The following CEACAM1 variants were observed in gnomAD, a reference collection of about 807,000 sequenced individuals.
CEACAM1 encodes cell adhesion molecule CEACAM1.
CEACAM1 carries 31 observed loss-of-function variants against 49.1 expected under a neutral mutation model. The ratio of observed to expected loss-of-function variants is 0.63; its 90% CI spans 0.47 to 0.85. The LOEUF (loss-of-function observed/expected upper bound fraction) is 0.85. Among genes scored for constraint, CEACAM1 ranks in the 40% least tolerant of loss-of-function variants. CEACAM1 has a pLI of 0.00. For synonymous variants in CEACAM1, 244 were observed against 247.8 expected (o/e 0.98, Z 0.14); for missense variants, 570 against 645.3 (o/e 0.88, Z 1.26).
chr19:42,528,292 C>T lies in CEACAM1; in HGVS notation c.64+19G>A. ...TGTGCGCCCTCTTTCCGCCCCTTCC[C>T]AGGGTGTCCTCCCCTCACCTGTGAG... is the stretch of plus-strand genomic sequence containing the variant. On this transcript the variant is annotated intron_variant, in intron 1 of 8. Transcript: ENST00000161559. 1 of 1,611,010 alleles carries T rather than the reference C, an allele frequency of 6.2e-7. No individual in the cohort carries two copies. Among genetic ancestry groups the T allele is most frequent in the Non-Finnish European group, 8.5e-7 (1 of 1,177,820 alleles).
chr19:42,513,325 G>A (rs763170845), intron 5 of CEACAM1, among the ~76,000 whole-genome samples: 16 of 152,150 alleles, frequency 1.1e-4, no homozygotes, highest in Middle Eastern at 3.2e-3. Flanking sequence ...CAGGCCGGGC[G>A]CGGTGGCTGA....
rs111284121 is a variant in CEACAM1 at position 42,507,629 on chromosome 19, C to G, written c.*1480G>C. ...GTACATTTGCCTGTCTTCCTCCTGTCCTTCCTTTTTATTATAAGATACATT... is the reference window on the plus strand; with the variant it reads ...GTACATTTGCCTGTCTTCCTCCTGTGCTTCCTTTTTATTATAAGATACATT... On this transcript the variant is annotated 3_prime_UTR_variant, in exon 9 of 9. Transcript: ENST00000161559. 2.0e-5 allele frequency: 3 copies of G among 152,320 alleles called. No individual in the cohort carries two copies. The highest frequency in any genetic ancestry group is 7.2e-5 in the African/African-American group (3 of 41,576). 9.4% of individuals were successfully genotyped at this position (152,320 alleles called of 1,614,324 possible).
At chr19:42,526,292 T>C (rs2041888651) in intron 2 of CEACAM1, among the ~76,000 whole-genome samples, 1 of 152,168 alleles carries the variant, frequency 6.6e-6, no homozygotes, top group South Asian at 2.1e-4. Context: ...TGAGAGTGCC[T>C]CTCAGCCTGA....
At position 42,518,952 on chromosome 19, in the gene CEACAM1, T is replaced by C; in HGVS notation, c.1242A>G (p.Val414=). 1 of 1,614,188 alleles carries C rather than the reference T, an allele frequency of 6.2e-7. No individual in the cohort carries two copies. Among genetic ancestry groups the C allele is most frequent in the Non-Finnish European group, 8.5e-7 (1 of 1,180,028 alleles). The change falls in exon 5 of 9, where the codon GTA becomes GTG. Residue 414 remains valine, a synonymous_variant. Coordinates refer to ENST00000161559, the MANE Select transcript of CEACAM1 (RefSeq NM_001712.5). ...AAGGGGTGAGGAGTCACTTACAGTT[T>C]ACGTTCAGCATGATGGGGTCGCTTT... The part of the protein sequence containing the change: ...KNQSDPIMLN[V]NYNALPQENG...
intron 1 of CEACAM1, chr19:42,527,956 T>G (rs1600249671): frequency 3.9e-6 from 1 of 255,310 alleles, no homozygotes; most frequent in South Asian, 6.9e-5. Context: ...TGTCCTGGGG[T>G]TTATTTGCCA....
intron 5 of CEACAM1, among the ~76,000 whole-genome samples, chr19:42,514,062 C>T (rs1344891944): frequency 2.8e-5 from 4 of 141,286 alleles, no homozygotes; most frequent in Non-Finnish European, 6.0e-5. Flanking sequence ...ATCAAGTGAT[C>T]CTCCCACCTC....
chr19:42,517,972 C>T (rs745692060), intron 5 of CEACAM1, among the ~76,000 whole-genome samples: 11 of 151,768 alleles, frequency 7.2e-5, no homozygotes, highest in Non-Finnish European at 1.6e-4. Flanking sequence ...TGTGATGTAT[C>T]TATCTACACA....
At chr19:42,522,565 T>C (rs529250694) in intron 2 of CEACAM1, among the ~76,000 whole-genome samples, 169 of 151,598 alleles carry the variant, frequency 1.1e-3, no homozygotes, top group African/African-American at 4.0e-3. Flanking sequence ...TTTTTCTTTC[T>C]TTCTTTTTTT....
intron 2 of CEACAM1, chr19:42,525,970 T>G (rs2041879611): frequency 6.6e-6 from 1 of 152,188 alleles, no homozygotes. Context: ...TATTTTATTT[T>G]TTTGAGATGG....
chr19:42,527,986 C>G (rs1199260201), intron 1 of CEACAM1, among the ~76,000 whole-genome samples: 3 of 152,208 alleles, frequency 2.0e-5, no homozygotes, highest in Non-Finnish European at 4.4e-5. Context: ...GTTGGTGGCT[C>G]AGGGCTCTGT....
intron 4 of CEACAM1, among the ~76,000 whole-genome samples, chr19:42,519,837 G>A (rs2041699333): frequency 6.6e-6 from 1 of 152,192 alleles, no homozygotes; most frequent in Non-Finnish European, 1.5e-5. Context: ...CCAAAGTGCT[G>A]GGATTACAGG....
intron 5 of CEACAM1, among the ~76,000 whole-genome samples, chr19:42,512,801 G>T (rs1351537747): frequency 6.6e-6 from 1 of 151,786 alleles, no homozygotes; most frequent in African/African-American, 2.4e-5. Flanking sequence ...CCTCAGGCTG[G>T]ACTACAGGCA....
In CEACAM1 at chr19:42,511,631, A is replaced by G. The variant is rs1349066696; in HGVS notation, c.1377-3T>C. The G allele has an allele frequency of 3.7e-6, 6 of 1,613,826 alleles. No individual in the cohort carries two copies. The highest frequency in any genetic ancestry group is 2.7e-5 in the African/African-American group (2 of 75,026). On this transcript the variant is annotated splice_region_variant and splice_polypyrimidine_tract_variant and intron_variant, in intron 6 of 8. Coordinates refer to ENST00000161559, the MANE Select transcript of CEACAM1 (RefSeq NM_001712.5). Reference sequence around the variant, plus strand: ...TGAGATCACGCTGGTCGCTTGCCCTAAATAAATATCAGAAACTGTGACTGC... The same window carrying G: ...TGAGATCACGCTGGTCGCTTGCCCTGAATAAATATCAGAAACTGTGACTGC...
At chr19:42,517,845 T>C (rs2041636892) in intron 5 of CEACAM1, among the ~76,000 whole-genome samples, 1 of 152,226 alleles carries the variant, frequency 6.6e-6, no homozygotes, top group Non-Finnish European at 1.5e-5. Context: ...TTAAAAGAAC[T>C]GAAAGCAGGG....
intron 5 of CEACAM1, among the ~76,000 whole-genome samples, chr19:42,516,046 A>G (rs1339718939): frequency 6.6e-6 from 1 of 152,208 alleles, no homozygotes; most frequent in South Asian, 2.1e-4. Context: ...AATAAATGCT[A>G]CATGTGAAAA....
chr19:42,523,007 G>A (rs2041797519), intron 2 of CEACAM1, among the ~76,000 whole-genome samples: 1 of 152,246 alleles, frequency 6.6e-6, no homozygotes, highest in African/African-American at 2.4e-5. Context: ...AGTGTGAACT[G>A]AGCAGCAGTG....
chr19:42,528,353 G>A lies in CEACAM1; in HGVS notation c.22C>T (p.Leu8Phe). 1.9e-6 allele frequency: 3 copies of A among 1,613,966 alleles called. No individual in the cohort carries two copies. Among genetic ancestry groups the A allele is most frequent in the Non-Finnish European group, 2.5e-6 (3 of 1,179,948 alleles). Residue 8 changes from leucine (L) to phenylalanine (F), a missense_variant, in exon 1 of 9, where the codon CTT becomes TTT. Coordinates refer to ENST00000161559, the MANE Select transcript of CEACAM1 (RefSeq NM_001712.5). ...TGCCAGGGTACACGCACTCTGTGAA[G>A]TGGGGCTGAGAGGTGCCCCATGGTG... MGHLSAP[L>F]HRVRVPWQGL...
intron 6 of CEACAM1, 128 bp from the exon 7 acceptor site, chr19:42,511,756 G>A: frequency 1.2e-6 from 1 of 802,352 alleles, no homozygotes. Context: ...TTCTTCTGAG[G>A]GCCTCGTTCT....
intron 2 of CEACAM1, among the ~76,000 whole-genome samples, chr19:42,523,977 TGAG>T (rs1452418254): frequency 2.0e-5 from 3 of 152,182 alleles, no homozygotes; most frequent in Non-Finnish European, 4.4e-5. Flanking sequence ...CGATGCCATA[TGAG>T]GAGAAGTGAT....
Sources: allele counts gnomAD v4.1 joint callset (sites outside exome capture counted in the v4.1 genomes callset), GRCh38; gene constraint gnomAD v4.1.1; transcripts MANE v1.5; gene names NCBI Gene and HGNC (gene_info 2026-07-23, HGNC 2026-07-21).